Variants in GINS3 observed in about 807,000 individuals in gnomAD.
The protein encoded by GINS3 is DNA replication complex GINS protein PSF3.
GINS3 carries 18 observed loss-of-function variants against 20.0 expected under a neutral mutation model. That is an observed-to-expected ratio of 0.90 (90% CI 0.62 to 1.33). The LOEUF (loss-of-function observed/expected upper bound fraction) is 1.33. Ranked by LOEUF, GINS3 falls within the 40% of genes most tolerant of loss-of-function variation. The probability of loss-of-function intolerance (pLI) is 0.00; values close to 1 mark genes in which losing one functional copy is unlikely to be tolerated. For missense variants in GINS3, 254 were observed against 273.6 expected (o/e 0.93, Z 0.51); for synonymous variants, 109 against 107.0 (o/e 1.02, Z -0.12).
rs1391442526 is a variant in GINS3 at position 58,405,923 on chromosome 16, GT to G, written c.*1195del. On this transcript the variant is annotated 3_prime_UTR_variant, in exon 3 of 3. Transcript: ENST00000318129. The stretch of plus-strand genomic sequence containing the variant: ...GATTGTGCAGATGCAAACTTAGGCT[GT>G]CTTGATGCAAACTTAGAACCACAGA... The G allele has an allele frequency of 6.6e-6, 1 of 152,196 alleles. No homozygotes were observed. Among genetic ancestry groups the G allele is most frequent in the East Asian group, 1.9e-4 (1 of 5,200 alleles). The allele number at this position is 152,196 out of a possible 1,614,324, so 9.4% of individuals were successfully genotyped here. A position where few individuals can be genotyped will look rare whatever the true frequency, so the allele number is the denominator to read the frequency against.
chr16:58,392,761 G>T lies in GINS3; in HGVS notation c.160G>T (p.Ala54Ser), dbSNP rs770965333. The change falls in exon 1 of 3, where the codon GCC becomes TCC. Residue 54 changes from alanine to serine, a missense_variant. Coordinates refer to ENST00000318129, the MANE Select transcript of GINS3 (RefSeq NM_022770.4). The stretch of plus-strand genomic sequence containing the variant: ...TTTCTTCCTGGAGCGGAGCGCAGGC[G>T]CCGAGACTGACAACGCGGTCCCACA... ...GAFFLERSAG[A>S]ETDNAVPQGS... 1 of 1,611,540 alleles carries T rather than the reference G, an allele frequency of 6.2e-7. No homozygotes were observed.
chr16:58,394,293 A>T (rs1965820362), intron 1 of GINS3, among the ~76,000 whole-genome samples: 1 of 152,124 alleles, frequency 6.6e-6, no homozygotes, highest in South Asian at 2.1e-4. Context: ...GTATTTTGTA[A>T]AATGTTCCTC....
At position 58,396,367 on chromosome 16, in the gene GINS3, T is replaced by C. The variant is rs866615943; in HGVS notation, c.186+3580T>C. ...GCAGAGGCGCCCCTCACCTCCCGGA[T>C]GGGGCGGCTGGCCGGGCAGGGGGCT... On this transcript the variant is annotated intron_variant, in intron 1 of 2. Transcript: ENST00000318129. 1.5e-3 allele frequency among the ~76,000 whole-genome samples: 126 copies of C among 82,008 alleles called. 1 individual carries two copies. Among genetic ancestry groups the C allele is most frequent in the African/African-American group, 5.3e-3 (101 of 19,032 alleles). 53.8% of individuals were successfully genotyped at this position (82,008 alleles called of 152,430 possible).
intron 2 of GINS3, chr16:58,403,853 C>A (rs1442676094): frequency 6.2e-6 from 1 of 160,454 alleles, no homozygotes; most frequent in Non-Finnish European, 1.4e-5. Context: ...TGGGTTGTTT[C>A]CTTCCTTTGT....
chr16:58,405,591 C>A lies in GINS3; in HGVS notation c.*862C>A, dbSNP rs1966023278. 1.3e-5 allele frequency: 2 copies of A among 152,134 alleles called. No homozygotes were observed. The highest frequency in any genetic ancestry group is 2.9e-5 in the Non-Finnish European group (2 of 68,032). The allele number at this position is 152,134 out of a possible 1,614,324, so 9.4% of individuals were successfully genotyped here. A position where few individuals can be genotyped will look rare whatever the true frequency, so the allele number is the denominator to read the frequency against. On this transcript the variant is annotated 3_prime_UTR_variant, in exon 3 of 3. Transcript: ENST00000318129. The stretch of plus-strand genomic sequence containing the variant: ...GACTTGGGTGCTGACTATGAAGGGC[C>A]CTGTTTTCAAAATCTAACATTGCAA...
chr16:58,402,986 T>G (rs922699642), intron 1 of GINS3, 112 bp from the exon 2 acceptor site: 1 of 798,378 alleles, frequency 1.3e-6, no homozygotes, highest in African/African-American at 1.7e-5. Context: ...TGACAGCCAC[T>G]CCCCCAAAGA....
At chr16:58,401,751 ACT>A (rs1965957573) in intron 1 of GINS3, among the ~76,000 whole-genome samples, 1 of 152,162 alleles carries the variant, frequency 6.6e-6, no homozygotes. Context: ...GTTGGGTTTA[ACT>A]CTTAATGTTC....
At chr16:58,399,028 T>C (rs1965919472) in intron 1 of GINS3, among the ~76,000 whole-genome samples, 1 of 152,088 alleles carries the variant, frequency 6.6e-6, no homozygotes, top group South Asian at 2.1e-4. Context: ...CTGTAAAACA[T>C]GTGGACCAGG....
chr16:58,403,927 C>T (rs1965990974), intron 2 of GINS3: 1 of 160,230 alleles, frequency 6.2e-6, no homozygotes, highest in Non-Finnish European at 1.4e-5. Context: ...TACTTGACCT[C>T]TCTAGACATC....
At chr16:58,395,797 T>A (rs1388982896) in intron 1 of GINS3, among the ~76,000 whole-genome samples, 3 of 152,260 alleles carry the variant, frequency 2.0e-5, no homozygotes, top group African/African-American at 7.2e-5. Context: ...CCCTTTCTAT[T>A]CCACAAAGCC....
chr16:58,395,933 C>T (rs1392660991), intron 1 of GINS3, among the ~76,000 whole-genome samples: 3 of 151,072 alleles, frequency 2.0e-5, no homozygotes, highest in East Asian at 2.0e-4. Context: ...CCTCACCTCC[C>T]GGACGGGGCG....
At chr16:58,394,020 T>C (rs1035004568) in intron 1 of GINS3, among the ~76,000 whole-genome samples, 2 of 152,204 alleles carry the variant, frequency 1.3e-5, no homozygotes, top group Non-Finnish European at 2.9e-5. Flanking sequence ...GTTGTTTTTT[T>C]TAATGTAGAC....
chr16:58,401,248 C>T (rs527845168), intron 1 of GINS3, among the ~76,000 whole-genome samples: 1 of 152,224 alleles, frequency 6.6e-6, no homozygotes, highest in East Asian at 1.9e-4. Flanking sequence ...TTTCTTTCTT[C>T]TGGTGGGTTT....
chr16:58,395,922 C>T lies in GINS3; in HGVS notation c.186+3135C>T, dbSNP rs576134318. Among the ~76,000 whole-genome samples, 759 of 150,758 alleles carry T rather than the reference C, an allele frequency of 5.0e-3. 7 individuals carry two copies. Among genetic ancestry groups the T allele is most frequent in the African/African-American group, 0.016 (654 of 40,980 alleles). The stretch of plus-strand genomic sequence containing the variant: ...AGTAGGGGCGGCCGGGCAGAGGTGC[C>T]CCTCACCTCCCGGACGGGGCGGCTG... On this transcript the variant is annotated intron_variant, in intron 1 of 2. Coordinates refer to ENST00000318129, the MANE Select transcript of GINS3 (RefSeq NM_022770.4).
chr16:58,394,258 G>A (rs971466334), intron 1 of GINS3, among the ~76,000 whole-genome samples: 2 of 152,084 alleles, frequency 1.3e-5, no homozygotes, highest in South Asian at 2.1e-4. Flanking sequence ...TAATGACCTC[G>A]ACGGTTTTGT....
At chr16:58,401,233 C>T (rs551762893) in intron 1 of GINS3, among the ~76,000 whole-genome samples, 15 of 151,996 alleles carry the variant, frequency 9.9e-5, no homozygotes, top group Non-Finnish European at 1.6e-4. Flanking sequence ...CAGATGTGTC[C>T]GGAGTTTCTT....
At position 58,404,801 on chromosome 16, in the gene GINS3, C is replaced by A; in HGVS notation, c.*72C>A. Reference sequence around the variant, plus strand: ...GTGTCCTTGATAGGAGCTGGTTGACCTTGTACAGAACCAGAATCCTGTCCC... The same window carrying A: ...GTGTCCTTGATAGGAGCTGGTTGACATTGTACAGAACCAGAATCCTGTCCC... On this transcript the variant is annotated 3_prime_UTR_variant, in exon 3 of 3. Transcript: ENST00000318129. The A allele has an allele frequency of 9.3e-7, 1 of 1,076,996 alleles. No homozygotes were observed. Among genetic ancestry groups the A allele is most frequent in the Non-Finnish European group, 1.4e-6 (1 of 720,090 alleles). 66.7% of individuals were successfully genotyped at this position (1,076,996 alleles called of 1,614,324 possible).
At chr16:58,395,334 TATA>T (rs776379246) in intron 1 of GINS3, 2,805 of 184,272 alleles carry the variant, frequency 0.015, 46 homozygotes, top group Non-Finnish European at 0.023. Flanking sequence ...TATATATATA[TATA>T]TTTTTTTTTT....
intron 1 of GINS3, 46 bp downstream of exon 1, chr16:58,392,833 C>T (rs964228024): frequency 6.6e-7 from 1 of 1,520,862 alleles, no homozygotes; most frequent in Non-Finnish European, 8.8e-7. Context: ...CTGCAGCTCC[C>T]GGCGGGCCCC....
Sources: allele counts gnomAD v4.1 joint callset (sites outside exome capture counted in the v4.1 genomes callset), GRCh38; gene constraint gnomAD v4.1.1; transcripts MANE v1.5; gene names NCBI Gene and HGNC (gene_info 2026-07-23, HGNC 2026-07-21).